The following CNTNAP5 variants were observed in gnomAD, a reference collection of about 807,000 sequenced individuals.
CNTNAP5 encodes the protein contactin-associated protein-like 5.
In CNTNAP5, 72 loss-of-function variants were observed where a neutral mutation model predicts 150.2. That is an observed-to-expected ratio of 0.48 (90% CI 0.40 to 0.58). The LOEUF is 0.58. Among genes scored for constraint, CNTNAP5 ranks in the 20% least tolerant of loss-of-function variants. The pLI is 0.00. For missense variants in CNTNAP5, 1,636 were observed against 1,626.2 expected, an observed-to-expected ratio of 1.01 and a Z score of -0.10; for synonymous variants, 672 against 619.8, an observed-to-expected ratio of 1.08 and a Z score of -1.25.
chr2:124,295,306 A>G (rs1157725883), intron 3 of CNTNAP5, among the ~76,000 whole-genome samples: 1 of 73,946 alleles, frequency 1.4e-5, no homozygotes, highest in Non-Finnish European at 2.7e-5. Flanking sequence ...GAGGTGGGAG[A>G]GTCGTTTATA....
At chr2:124,724,845 C>T (rs549125383) in intron 13 of CNTNAP5, among the ~76,000 whole-genome samples, 16 of 150,544 alleles carry the variant, frequency 1.1e-4, no homozygotes, top group Admixed American at 2.7e-4. Context: ...GCCAGCAATT[C>T]GAAGGCAACT....
intron 3 of CNTNAP5, among the ~76,000 whole-genome samples, chr2:124,267,636 T>C (rs938989219): frequency 3.3e-5 from 5 of 152,198 alleles, no homozygotes; most frequent in Non-Finnish European, 7.3e-5. Flanking sequence ...GATACAAAAA[T>C]GTATAAAATT....
chr2:124,849,854 A>G (rs1454749980), intron 19 of CNTNAP5, among the ~76,000 whole-genome samples: 1 of 152,120 alleles, frequency 6.6e-6, no homozygotes, highest in Non-Finnish European at 1.5e-5. Context: ...GGGATTATCT[A>G]TGTCTTTATT....
chr2:124,837,228 A>C (rs1271473963), intron 19 of CNTNAP5, among the ~76,000 whole-genome samples: 1 of 152,160 alleles, frequency 6.6e-6, no homozygotes, highest in Non-Finnish European at 1.5e-5. Flanking sequence ...TACTTACCTC[A>C]AAACACTCAG....
chr2:124,557,122 C>T (rs887592929), intron 10 of CNTNAP5, among the ~76,000 whole-genome samples: 3 of 151,906 alleles, frequency 2.0e-5, no homozygotes, highest in Admixed American at 6.6e-5. Flanking sequence ...TGTTAGGGCC[C>T]AAAAATACAG....
chr2:124,535,427 G>A (rs780359394), intron 10 of CNTNAP5, among the ~76,000 whole-genome samples: 47 of 152,122 alleles, frequency 3.1e-4, no homozygotes, highest in Non-Finnish European at 7.4e-5. Flanking sequence ...GTTATGAAAT[G>A]TAGCTTCTCC....
chr2:124,295,123 C>A (rs376155698), intron 3 of CNTNAP5, among the ~76,000 whole-genome samples: 6,209 of 101,568 alleles, frequency 0.061, 377 homozygotes, highest in African/African-American at 0.19. Context: ...AAACAACAAC[C>A]ACCACCAAAC....
At position 124,916,391 on chromosome 2, in the gene CNTNAP5, A is replaced by G. The variant is rs1678769749; in HGVS notation, c.*2103A>G. On this transcript the variant is annotated 3_prime_UTR_variant, in exon 24 of 24. Transcript: ENST00000682447. ...TTTCATTTTTGAATTTTCTATTTCC[A>G]TAAAAAGGCTATATAAATCAGCCTT... 6.6e-6 allele frequency among the ~76,000 whole-genome samples: 1 copy of G among 151,952 alleles called. No homozygotes were observed. The highest frequency in any genetic ancestry group is 6.6e-5 in the Admixed American group (1 of 15,230).
At chr2:124,176,078 A>T (rs934274966) in intron 1 of CNTNAP5, among the ~76,000 whole-genome samples, 1 of 152,164 alleles carries the variant, frequency 6.6e-6, no homozygotes, top group Admixed American at 6.5e-5. Flanking sequence ...GAGAGCTCCA[A>T]AGTTTGCTAT....
At chr2:124,419,152 A>AAAAAAAAGAAAC (rs1692013626) in intron 4 of CNTNAP5, among the ~76,000 whole-genome samples, 1 of 120,996 alleles carries the variant, frequency 8.3e-6, no homozygotes, top group African/African-American at 2.8e-5. Context: ...AAAAAAAAAA[A>AAAAAAAAGAAAC]AAAAAAAAAA....
intron 1 of CNTNAP5, among the ~76,000 whole-genome samples, chr2:124,051,903 A>G (rs1247580100): frequency 1.3e-5 from 2 of 152,230 alleles, no homozygotes; most frequent in Admixed American, 1.3e-4. Flanking sequence ...TCTGTGATAA[A>G]GGACCAACCC....
chr2:124,688,034 T>C (rs1178916149), intron 13 of CNTNAP5, among the ~76,000 whole-genome samples: 2 of 152,072 alleles, frequency 1.3e-5, no homozygotes, highest in Non-Finnish European at 2.9e-5. Flanking sequence ...TCACACCCCC[T>C]CCAGACCTTG....
intron 13 of CNTNAP5, among the ~76,000 whole-genome samples, chr2:124,724,163 A>AATAATAATAATAATAATC (rs1680106051): frequency 1.3e-5 from 2 of 149,900 alleles, no homozygotes; most frequent in Admixed American, 1.3e-4. Flanking sequence ...TAATAATAAT[A>AATAATAATAATAATAATC]ATAATAATAA....
intron 13 of CNTNAP5, among the ~76,000 whole-genome samples, chr2:124,670,964 G>T (rs975173959): frequency 2.0e-5 from 3 of 152,080 alleles, no homozygotes; most frequent in African/African-American, 7.2e-5. Context: ...TAAGTCAGAG[G>T]TTAGTGTCTG....
intron 19 of CNTNAP5, among the ~76,000 whole-genome samples, chr2:124,804,301 A>G (rs925518849): frequency 6.6e-6 from 1 of 152,238 alleles, no homozygotes; most frequent in Non-Finnish European, 1.5e-5. Flanking sequence ...TCACAGGGTT[A>G]GACTTGGGTG....
intron 19 of CNTNAP5, among the ~76,000 whole-genome samples, chr2:124,803,824 G>A (rs941339406): frequency 2.6e-5 from 4 of 152,148 alleles, no homozygotes; most frequent in African/African-American, 7.2e-5. Flanking sequence ...CCAGGGCTGG[G>A]TTGACCTTAG....
chr2:124,911,720 G>A (rs1330380514), intron 23 of CNTNAP5, among the ~76,000 whole-genome samples, 182 bp downstream of exon 23: 3 of 151,984 alleles, frequency 2.0e-5, no homozygotes, highest in Non-Finnish European at 2.9e-5. Flanking sequence ...ACCCTCTGCC[G>A]ACACCAGCAG....
At chr2:124,798,499 G>A (rs992276590) in intron 19 of CNTNAP5, among the ~76,000 whole-genome samples, 179 bp downstream of exon 19, 3 of 152,154 alleles carry the variant, frequency 2.0e-5, no homozygotes, top group Non-Finnish European at 2.9e-5. Flanking sequence ...TTGGTATTCA[G>A]GGCCAGTGTC....
intron 1 of CNTNAP5, among the ~76,000 whole-genome samples, chr2:124,168,736 A>G (rs1389991400): frequency 6.6e-6 from 1 of 152,204 alleles, no homozygotes; most frequent in East Asian, 1.9e-4. Flanking sequence ...GTATAAAAAT[A>G]TAGAGTAAAA....
Sources: allele counts gnomAD v4.1 joint callset (sites outside exome capture counted in the v4.1 genomes callset), GRCh38; gene constraint gnomAD v4.1.1; transcripts MANE v1.5; gene names NCBI Gene and HGNC (gene_info 2026-07-23, HGNC 2026-07-21).